Variants in CELF2 observed in about 807,000 individuals in gnomAD.
CELF2 encodes the protein CUGBP Elav-like family member 2.
In CELF2, 8 loss-of-function variants were observed where a neutral mutation model predicts 62.6. The observed-to-expected ratio is 0.13, with a 90% confidence interval of 0.07 to 0.23. The LOEUF is 0.23. Among genes scored for constraint, CELF2 ranks in the 10% least tolerant of loss-of-function variants. The pLI is 1.00. For synonymous variants in CELF2, 258 were observed against 250.0 expected, an observed-to-expected ratio of 1.03 and a Z score of -0.30; for missense variants, 333 against 671.0, an observed-to-expected ratio of 0.50 and a Z score of 5.56.
chr10:10,772,304 G>A, the CELF2 span, among the ~76,000 whole-genome samples: 1 of 152,132 alleles, frequency 6.6e-6, no homozygotes, highest in Non-Finnish European at 1.5e-5. Context: ...TGATCTTGGG[G>A]TGAATCTTTT....
At chr10:10,723,916 T>A in the CELF2 span, among the ~76,000 whole-genome samples, 98 of 152,264 alleles carry the variant, frequency 6.4e-4, 1 homozygote, top group Middle Eastern at 3.4e-3. Flanking sequence ...AGGTTTTTTT[T>A]AAAAAAATGC....
At chr10:11,050,411 C>T (rs1280128916) in intron 1 of CELF2, among the ~76,000 whole-genome samples, 1 of 152,184 alleles carries the variant, frequency 6.6e-6, no homozygotes, top group Non-Finnish European at 1.5e-5. Flanking sequence ...AGATGAGTGA[C>T]ACTGCTGCAG....
intron 1 of CELF2, among the ~76,000 whole-genome samples, chr10:11,099,048 G>T (rs1273032096): frequency 6.6e-6 from 1 of 152,206 alleles, no homozygotes; most frequent in African/African-American, 2.4e-5. Context: ...CCGTCGTCCT[G>T]GGGGCCATGA....
chr10:10,888,383 G>T (rs1447622240), intron 1 of CELF2, among the ~76,000 whole-genome samples: 1 of 152,072 alleles, frequency 6.6e-6, no homozygotes, highest in Non-Finnish European at 1.5e-5. Flanking sequence ...ATGAGTTGGG[G>T]GAACAGTTTC....
At chr10:10,736,637 C>T in the CELF2 span, among the ~76,000 whole-genome samples, 1 of 151,680 alleles carries the variant, frequency 6.6e-6, no homozygotes, top group African/African-American at 2.4e-5. Flanking sequence ...ATTCACAAAA[C>T]AGTTCTTATA....
the CELF2 span, among the ~76,000 whole-genome samples, chr10:10,473,758 G>T: frequency 6.6e-6 from 1 of 152,014 alleles, no homozygotes; most frequent in South Asian, 2.1e-4. Context: ...AGGCTTAATT[G>T]TACTAAATTA....
intron 1 of CELF2, among the ~76,000 whole-genome samples, chr10:10,906,025 G>A (rs538985564): frequency 1.1e-4 from 16 of 151,930 alleles, no homozygotes; most frequent in Non-Finnish European, 1.3e-4. Context: ...GAGCTCAGAC[G>A]GTGCCACTGC....
At chr10:10,898,280 T>C (rs993297571) in intron 1 of CELF2, among the ~76,000 whole-genome samples, 23 of 152,242 alleles carry the variant, frequency 1.5e-4, no homozygotes, top group African/African-American at 5.5e-4. Flanking sequence ...AATTATATGA[T>C]GCTATTTGGA....
At chr10:11,183,785 A>G (rs2074128135) in intron 2 of CELF2, among the ~76,000 whole-genome samples, 1 of 152,146 alleles carries the variant, frequency 6.6e-6, no homozygotes. Context: ...TTATTGCCTT[A>G]TTGTTGAGTT....
At chr10:11,078,198 G>C (rs1401022792) in intron 1 of CELF2, among the ~76,000 whole-genome samples, 2 of 149,230 alleles carry the variant, frequency 1.3e-5, no homozygotes, top group Non-Finnish European at 1.5e-5. Context: ...AAAAAAAAAT[G>C]CTCCTCCAGT....
intron 3 of CELF2, among the ~76,000 whole-genome samples, chr10:11,239,145 T>C (rs1192199221): frequency 6.6e-6 from 1 of 152,238 alleles, no homozygotes; most frequent in African/African-American, 2.4e-5. Flanking sequence ...CCTCATAGAA[T>C]TCCACCCAGA....
chr10:10,777,627 A>G, the CELF2 span, among the ~76,000 whole-genome samples: 12 of 152,028 alleles, frequency 7.9e-5, no homozygotes, highest in East Asian at 3.9e-4. Flanking sequence ...CCCACCTCCA[A>G]TCTTTCTTCG....
the CELF2 span, among the ~76,000 whole-genome samples, chr10:10,602,987 G>T: frequency 1.3e-5 from 2 of 152,156 alleles, no homozygotes; most frequent in East Asian, 3.9e-4. Flanking sequence ...CCCAGGGAAA[G>T]CACAAAGAGG....
the CELF2 span, among the ~76,000 whole-genome samples, chr10:10,759,296 C>CTT: frequency 1.5e-4 from 18 of 120,894 alleles, no homozygotes; most frequent in South Asian, 7.7e-4. Flanking sequence ...GCCCATTTTT[C>CTT]TTTTTTTTTT....
At chr10:10,470,652 C>G in the CELF2 span, among the ~76,000 whole-genome samples, 2 of 151,638 alleles carry the variant, frequency 1.3e-5, no homozygotes, top group African/African-American at 2.4e-5. Flanking sequence ...TCTTCTATCT[C>G]CTACCTTTAA....
At chr10:11,235,181 ATAAAGAGGCAAGCTTC>A (rs2070718387) in intron 3 of CELF2, among the ~76,000 whole-genome samples, 1 of 152,220 alleles carries the variant, frequency 6.6e-6, no homozygotes, top group African/African-American at 2.4e-5. Flanking sequence ...CAAAGCAAAC[ATAAAGAGGCAAGCTTC>A]GCAAGTCCCC....
the CELF2 span, among the ~76,000 whole-genome samples, chr10:10,747,744 T>A: frequency 6.6e-6 from 1 of 152,352 alleles, no homozygotes; most frequent in African/African-American, 2.4e-5. Context: ...TCTTGCTCTG[T>A]CGTCCAGGCT....
the CELF2 span, among the ~76,000 whole-genome samples, chr10:10,772,508 C>A: frequency 2.6e-5 from 4 of 152,184 alleles, no homozygotes; most frequent in Admixed American, 6.5e-5. Context: ...CAAACCTTTT[C>A]GATAAACACT....
intron 2 of CELF2, among the ~76,000 whole-genome samples, chr10:10,973,880 G>T (rs760191821): frequency 1.3e-5 from 2 of 152,142 alleles, no homozygotes; most frequent in African/African-American, 2.4e-5. Context: ...TGTGACTCAG[G>T]TTTTCCTTTG....
Sources: gnomAD v4.1 joint callset for allele counts (sites outside exome capture counted in the v4.1 genomes callset) on GRCh38, gnomAD v4.1.1 for gene constraint, MANE v1.5 for transcripts, NCBI Gene and HGNC (gene_info 2026-07-23, HGNC 2026-07-21) for gene names.